Variants in EPB41L1 observed in about 807,000 individuals in gnomAD.
EPB41L1 encodes the protein band 4.1-like protein 1.
A neutral mutation model predicts 97.8 loss-of-function variants in EPB41L1; 29 were observed. The ratio of observed to expected loss-of-function variants is 0.30; its 90% confidence interval spans 0.22 to 0.40. The LOEUF is 0.40. Among genes scored for constraint, EPB41L1 ranks in the 10% least tolerant of loss-of-function variants. EPB41L1 has a pLI of 1.00. For missense variants in EPB41L1, 812 were observed against 1,162.3 expected, an observed-to-expected ratio of 0.70 and a Z score of 4.38; for synonymous variants, 383 against 459.2, an observed-to-expected ratio of 0.83 and a Z score of 2.12.
rs2057676834 is a variant in EPB41L1, at chr20:36,092,025, C to T, written c.-65+413C>T. On this transcript the variant is annotated intron_variant, in intron 1 of 19. Transcript: ENST00000202028. The surrounding 1 kb of genome is among the most constrained non-coding windows in gnomAD (Gnocchi z 7.0). ...TTGTGGAGGGTGGGCGTCGGGATCC[C>T]AGAGCCAGGGACTCAGCCCTTGGAG... is the stretch of plus-strand genomic sequence containing the variant. 1 of 152,236 alleles carries T rather than the reference C, an allele frequency of 6.6e-6. No homozygotes were observed. Among genetic ancestry groups the T allele is most frequent in the African/African-American group, 2.4e-5 (1 of 41,410 alleles). 9.4% of individuals were successfully genotyped at this position (152,236 alleles called of 1,614,324 possible). A position where few individuals can be genotyped will look rare whatever the true frequency, so the allele number is the denominator to read the frequency against.
chr20:36,219,679 C>T (rs6119708), intron 18 of EPB41L1, 82 bp from the exon 19 acceptor site: 1 of 1,220,806 alleles, frequency 8.2e-7, no homozygotes, highest in Admixed American at 1.7e-5. Flanking sequence ...TCACAGAGCC[C>T]TTTACCCCAC....
At chr20:36,196,269 G>A (rs1026976857) in intron 13 of EPB41L1, among the ~76,000 whole-genome samples, 1 of 152,190 alleles carries the variant, frequency 6.6e-6, no homozygotes, top group Non-Finnish European at 1.5e-5. Context: ...GAACAGCAAA[G>A]CATTCAGACT....
intron 1 of EPB41L1, among the ~76,000 whole-genome samples, chr20:36,157,226 G>GA (rs907404717): frequency 7.3e-5 from 11 of 149,848 alleles, no homozygotes; most frequent in East Asian, 2.0e-4. Context: ...CCCTCTCAAA[G>GA]AAAAAAAAAG....
At chr20:36,170,428 G>C (rs2060939320) in intron 1 of EPB41L1, among the ~76,000 whole-genome samples, 1 of 152,120 alleles carries the variant, frequency 6.6e-6, no homozygotes, top group African/African-American at 2.4e-5. Context: ...TTAACACAGA[G>C]ATAATCTGTA....
At position 36,197,843 on chromosome 20, in the gene EPB41L1, C is replaced by T; in HGVS notation, c.1486-16C>T. The T allele has an allele frequency of 6.2e-7, 1 of 1,614,156 alleles. No homozygotes were observed. The highest frequency in any genetic ancestry group is 8.5e-7 in the Non-Finnish European group (1 of 1,180,034). On this transcript the variant is annotated splice_polypyrimidine_tract_variant and intron_variant, in intron 13 of 21. Transcript: ENST00000338074. ...GCTGTTCCCCTAACACCACCACCCT[C>T]TCCATCTATCCCTAGTTCTTAGACA...
chr20:36,103,933 T>C (rs1165759289), intron 1 of EPB41L1, among the ~76,000 whole-genome samples: 3 of 152,160 alleles, frequency 2.0e-5, no homozygotes, highest in Non-Finnish European at 4.4e-5. Context: ...CTCGATCTCC[T>C]GACCTCATGA....
At chr20:36,215,838 G>GC (rs1400242068) in intron 17 of EPB41L1, among the ~76,000 whole-genome samples, 5 of 152,174 alleles carry the variant, frequency 3.3e-5, no homozygotes, top group Non-Finnish European at 7.3e-5. Flanking sequence ...ACCATCATGA[G>GC]CACCTTTAAT....
chr20:36,188,375 G>A lies in EPB41L1; in HGVS notation c.902G>A (p.Gly301Asp), dbSNP rs2061774238. The A allele has an allele frequency of 6.2e-7, 1 of 1,613,704 alleles. No individual in the cohort carries two copies. The highest frequency in any genetic ancestry group is 8.5e-7 in the Non-Finnish European group (1 of 1,180,008). The change falls in exon 9 of 22, where the codon GGC becomes GAC. Residue 301 changes from glycine to aspartate, a missense_variant. Around this residue, in one of 3 missense-constraint regions of EPB41L1, gnomAD observed 230 missense variants for 445.2 expected, o/e 0.52. Transcript: ENST00000338074. Reference sequence around the variant, plus strand: ...TCTGAGGGCATCGACATCATGTTAGGCGTTTGTGCCAATGGCCTGCTCATC... The same window carrying A: ...TCTGAGGGCATCGACATCATGTTAGACGTTTGTGCCAATGGCCTGCTCATC... ...KDSEGIDIMLGVCANGLLIYR... is the reference protein window; with the variant it reads ...KDSEGIDIMLDVCANGLLIYR...
chr20:36,214,254 C>T (rs2063310990), intron 16 of EPB41L1, 103 bp from the exon 17 acceptor site: 2 of 859,544 alleles, frequency 2.3e-6, no homozygotes, highest in Non-Finnish European at 3.8e-6. Flanking sequence ...GATGTTCACT[C>T]ACACAGCCTG....
intron 1 of EPB41L1, among the ~76,000 whole-genome samples, chr20:36,108,009 G>A (rs2058258115): frequency 6.6e-6 from 1 of 151,620 alleles, no homozygotes; most frequent in Non-Finnish European, 1.5e-5. Flanking sequence ...TTAGAGGCAG[G>A]TTCTCACTCT....
At chr20:36,128,795 G>A (rs1335673826) in intron 2 of EPB41L1, among the ~76,000 whole-genome samples, 1 of 149,352 alleles carries the variant, frequency 6.7e-6, no homozygotes, top group African/African-American at 2.5e-5. Flanking sequence ...TTAGCTTTGT[G>A]ACCTAGCCTC....
At chr20:36,097,943 A>G (rs1486666473) in intron 1 of EPB41L1, among the ~76,000 whole-genome samples, 1 of 152,186 alleles carries the variant, frequency 6.6e-6, no homozygotes, top group Non-Finnish European at 1.5e-5. Flanking sequence ...TAAGCCAACC[A>G]GGAAGGATCA....
At position 36,143,707 on chromosome 20, in the gene EPB41L1, T is replaced by C. The variant is rs1180659365; in HGVS notation, c.-10+31227T>C. Among the ~76,000 whole-genome samples, 3 of 152,042 alleles carry C rather than the reference T, an allele frequency of 2.0e-5. No homozygotes were observed. The East Asian group carries it at 5.8e-4, about 29-fold the overall frequency. On this transcript the variant is annotated intron_variant, in intron 2 of 19. Coordinates refer to the EPB41L1 transcript ENST00000202028. ...GAAAGATGATAAAGGTAGGTATGTG[T>C]GTGTGTGAGTGTGACTTTGTGTGTG...
chr20:36,224,687 T>C (rs1466480726), intron 21 of EPB41L1, among the ~76,000 whole-genome samples: 1 of 152,234 alleles, frequency 6.6e-6, no homozygotes, highest in Non-Finnish European at 1.5e-5. Flanking sequence ...TGTTTCTTTT[T>C]AAACTTTTTA....
chr20:36,176,757 G>T (rs1455766025), intron 3 of EPB41L1, among the ~76,000 whole-genome samples: 1 of 150,648 alleles, frequency 6.6e-6, no homozygotes, highest in Non-Finnish European at 1.5e-5. Context: ...TCAGCCTCCT[G>T]AATAGCTGGG....
At position 36,140,025 on chromosome 20, in the gene EPB41L1, C is replaced by T. The variant is rs552905616; in HGVS notation, c.-10+27545C>T. 9.3e-5 allele frequency among the ~76,000 whole-genome samples: 14 copies of T among 151,006 alleles called. No homozygotes were observed. In the South Asian group the frequency reaches 3.0e-3, roughly 32 times the overall value. On this transcript the variant is annotated intron_variant, in intron 2 of 19. Coordinates refer to the EPB41L1 transcript ENST00000202028. The stretch of plus-strand genomic sequence containing the variant: ...GATTGCAGGCATGAGCCACCGTGCC[C>T]GGCCTAGGTGGTTTTTTTTTGTTGT...
rs531818645 is a variant in EPB41L1, at chr20:36,229,447, G to A, written c.*107G>A. 8.5e-6 allele frequency: 9 copies of A among 1,058,938 alleles called. No homozygotes were observed. Among genetic ancestry groups the A allele is most frequent in the African/African-American group, 6.2e-5 (4 of 64,162 alleles). The allele number at this position is 1,058,938 out of a possible 1,614,324, so 65.6% of individuals were successfully genotyped here. A position where few individuals can be genotyped will look rare whatever the true frequency, so the allele number is the denominator to read the frequency against. On this transcript the variant is annotated 3_prime_UTR_variant, in exon 22 of 22. Transcript: ENST00000338074. ...GACGCAACACTGACGTCCCAGCTGC[G>A]ACGTACTGTCACTGATGAGAGACTG...
chr20:36,221,426 A>AT (rs1450769558), intron 19 of EPB41L1, among the ~76,000 whole-genome samples: 1 of 152,028 alleles, frequency 6.6e-6, no homozygotes, highest in Non-Finnish European at 1.5e-5. Context: ...GTGGGGGAGG[A>AT]GGGGATATAG....
intron 19 of EPB41L1, 45 bp downstream of exon 19, chr20:36,219,889 C>T (rs779486800): frequency 2.6e-6 from 4 of 1,530,006 alleles, no homozygotes; most frequent in South Asian, 1.1e-5. Flanking sequence ...GAGCTGCAGG[C>T]GAGAAGGTCA....
Sources: gnomAD v4.1 joint callset for allele counts (sites outside exome capture counted in the v4.1 genomes callset) on GRCh38, gnomAD v4.1.1 for gene constraint, gnomAD v4.1.1 regional missense constraint, Gnocchi (gnomAD v3.1) non-coding constraint, MANE v1.5 for transcripts, NCBI Gene and HGNC (gene_info 2026-07-23, HGNC 2026-07-21) for gene names.